FAHD2A: variants seen among roughly 807,000 people sequenced by gnomAD.
The protein encoded by FAHD2A is fumarylacetoacetate hydrolase domain containing 2A.
A neutral mutation model predicts 33.4 loss-of-function variants in FAHD2A; 27 were observed. The ratio of observed to expected loss-of-function variants is 0.81; its 90% confidence interval spans 0.60 to 1.11. The LOEUF is 1.11. FAHD2A is among the 50% of genes most tolerant of loss of function. FAHD2A has a pLI of 0.00. For missense variants in FAHD2A, 296 were observed against 395.0 expected (o/e 0.75, Z 2.12); for synonymous variants, 130 against 153.3 (o/e 0.85, Z 1.12).
At chr2:95,419,676 C>T (rs111593966), downstream of FAHD2A, among the ~76,000 whole-genome samples, 3 of 151,928 alleles carry the variant, frequency 2.0e-5, no homozygotes, top group Admixed American at 6.6e-5. Flanking sequence ...CAACTTCACA[C>T]CAAGCTGCAA....
chr2:95,406,684 A>G lies in FAHD2A; in HGVS notation c.246-257A>G, dbSNP rs1681613471. On this transcript the variant is annotated intron_variant, in intron 2 of 7. Coordinates refer to ENST00000233379, the MANE Select transcript of FAHD2A (RefSeq NM_016044.3). ...CGGAAGGGGAAAGGGAAACCTTTCC[A>G]TGTATTCCAGTTTGTATCTTTTACA... Among the ~76,000 whole-genome samples the G allele has an allele frequency of 3.3e-5, 5 of 152,340 alleles. No individual in the cohort carries two copies. In the South Asian group the frequency reaches 8.3e-4, roughly 25 times the overall value.
Position 95,402,769 on chromosome 2 carries a change from C to G in FAHD2A, c.-110C>G, listed in dbSNP as rs758015297. ...GTTAGCAGCTGCTGCATTTCCCCGG[C>G]TGGCTGCGGTCACTGGTGGCAGTGC... On this transcript the variant is annotated 5_prime_UTR_variant, in exon 1 of 8. Coordinates refer to ENST00000233379, the MANE Select transcript of FAHD2A (RefSeq NM_016044.3). The G allele has an allele frequency of 6.6e-6, 1 of 152,458 alleles. No homozygotes were observed. Among genetic ancestry groups the G allele is most frequent in the African/African-American group, 2.4e-5 (1 of 41,468 alleles). The allele number at this position is 152,458 out of a possible 1,614,324, so 9.4% of individuals were successfully genotyped here. A position where few individuals can be genotyped will look rare whatever the true frequency, so the allele number is the denominator to read the frequency against.
chr2:95,404,294 AT>A (rs113250091), intron 1 of FAHD2A, among the ~76,000 whole-genome samples: 416 of 145,184 alleles, frequency 2.9e-3, no homozygotes, highest in South Asian at 4.2e-3. Flanking sequence ...AGCCCTGAGG[AT>A]TTTTTTTTTT....
chr2:95,407,117 T>A lies in FAHD2A; in HGVS notation c.422T>A (p.Val141Glu). The A allele has an allele frequency of 6.2e-7, 1 of 1,612,124 alleles. No individual in the cohort carries two copies. The highest frequency in any genetic ancestry group is 8.5e-7 in the Non-Finnish European group (1 of 1,179,860). The change falls in exon 3 of 8, where the codon GTG (valine) becomes GAG (glutamate). Residue 141 changes from valine (V) to glutamate (E), a missense_variant. Transcript: ENST00000233379. ...TTCAGCAAGTTTGCCAGCTCCATCGTGGGGCCCTATGATGAGGTGGTCCTC... is the reference window on the plus strand; with the variant it reads ...TTCAGCAAGTTTGCCAGCTCCATCGAGGGGCCCTATGATGAGGTGGTCCTC... ...IIFSKFASSI[V>E]GPYDEVVLPP...
At chr2:95,411,791 C>A (rs1011924191) in intron 5 of FAHD2A, among the ~76,000 whole-genome samples, 1 of 152,136 alleles carries the variant, frequency 6.6e-6, no homozygotes, top group Non-Finnish European at 1.5e-5. Context: ...TTTATAGATG[C>A]TGAGTCTTTT....
chr2:95,404,819 T>G (rs1032157714), intron 1 of FAHD2A, among the ~76,000 whole-genome samples: 1 of 152,140 alleles, frequency 6.6e-6, no homozygotes, highest in African/African-American at 2.4e-5. Flanking sequence ...GACCCTGTTG[T>G]TTGTCTGCAG....
At position 95,405,556 on chromosome 2, in the gene FAHD2A, C is replaced by G. The variant is rs1558791844; in HGVS notation, c.-3C>G. ...GATCCTGCATTTTTCTCTGCAGGCT[C>G]TGATGCTGGTGTCTGGTAGAAGAAG... On this transcript the variant is annotated 5_prime_UTR_variant, in exon 2 of 8. Transcript: ENST00000233379. The G allele has an allele frequency of 3.1e-6, 5 of 1,610,040 alleles. No individual in the cohort carries two copies. The East Asian group carries it at 1.1e-4, about 36-fold the overall frequency.
chr2:95,408,782 A>AAT, intron 3 of FAHD2A, among the ~76,000 whole-genome samples: 1 of 152,332 alleles, frequency 6.6e-6, no homozygotes, highest in Non-Finnish European at 1.5e-5. Flanking sequence ...CCAATTAGTA[A>AAT]ATATTAGGCT....
At chr2:95,410,102 T>A (rs1477240611) in intron 3 of FAHD2A, among the ~76,000 whole-genome samples, 3 of 152,276 alleles carry the variant, frequency 2.0e-5, no homozygotes, top group African/African-American at 7.2e-5. Context: ...CGTTACCTTT[T>A]TGTGAATTGC....
intron 3 of FAHD2A, among the ~76,000 whole-genome samples, chr2:95,409,407 C>T (rs1382578157): frequency 1.3e-5 from 2 of 151,974 alleles, no homozygotes; most frequent in Non-Finnish European, 2.9e-5. Context: ...CTCCTGGGTT[C>T]AAGTGATTCT....
chr2:95,418,408 T>A (rs1683267938), downstream of FAHD2A, among the ~76,000 whole-genome samples: 1 of 151,880 alleles, frequency 6.6e-6, no homozygotes, highest in Non-Finnish European at 1.5e-5. Flanking sequence ...AGAGCACTGA[T>A]GCATGAAGGT....
Position 95,413,636 on chromosome 2 carries a change from G to A in FAHD2A, c.*679G>A. The stretch of plus-strand genomic sequence containing the variant: ...CTGTGTCCACATGGCCCAGGGGCCA[G>A]GCCTGTCCCCCAGAAACCTGCCTTG... On this transcript the variant is annotated 3_prime_UTR_variant, in exon 8 of 8. Coordinates refer to ENST00000233379, the MANE Select transcript of FAHD2A (RefSeq NM_016044.3). 2 of 1,434,032 alleles carry A rather than the reference G, an allele frequency of 1.4e-6. No homozygotes were observed. The highest frequency in any genetic ancestry group is 1.4e-5 in the African/African-American group (1 of 69,250). 88.8% of individuals were successfully genotyped at this position (1,434,032 alleles called of 1,614,324 possible).
At position 95,410,939 on chromosome 2, in the gene FAHD2A, C is replaced by G; in HGVS notation, c.598C>G (p.Arg200Gly). The part of the protein sequence containing the change: ...DVSARDWQMR[R>G]NGKQWLLGKT... ...GAGTGCTCGTGACTGGCAAATGAGA[C>G]GTAATGGGAAACAATGGCTGCTGGG... The change falls in exon 5 of 8, where the codon CGT becomes GGT. Residue 200 changes from arginine to glycine, a missense_variant. Physicochemically the swap from Arg to Gly is moderately radical, Grantham distance 125. Coordinates refer to ENST00000233379, the MANE Select transcript of FAHD2A (RefSeq NM_016044.3). 1 of 1,613,868 alleles carries G rather than the reference C, an allele frequency of 6.2e-7. No individual in the cohort carries two copies. The highest frequency in any genetic ancestry group is 1.3e-5 in the African/African-American group (1 of 75,036).
Position 95,415,310 on chromosome 2 carries a change from C to G in FAHD2A, c.*2353C>G, listed in dbSNP as rs981720856. The G allele has an allele frequency of 6.6e-6, 1 of 151,852 alleles. No homozygotes were observed. The highest frequency in any genetic ancestry group is 1.5e-5 in the Non-Finnish European group (1 of 68,054). 9.4% of individuals were successfully genotyped at this position (151,852 alleles called of 1,614,324 possible). A position where few individuals can be genotyped will look rare whatever the true frequency, so the allele number is the denominator to read the frequency against. ...CCACTGCCCCAGACCCACCTTGGCT[C>G]TCTCCTCACTAACACCCGAGAAGCC... On this transcript the variant is annotated 3_prime_UTR_variant, in exon 8 of 8. Transcript: ENST00000233379.
rs558817892 is a variant in FAHD2A at position 95,410,550 on chromosome 2, G to A, written c.486G>A (p.Leu162=). The part of the protein sequence containing the change: ...QSQEVDWEVE[L]AVVIGKKGKH... ...AGGAGGTAGATTGGGAAGTGGAGCT[G>A]GCCGTGGTCATTGGAAAGAAAGGCA... is the stretch of plus-strand genomic sequence containing the variant. Residue 162 remains leucine, a synonymous_variant, in exon 4 of 8, where the codon CTG becomes CTA. Transcript: ENST00000233379. 3 of 1,612,566 alleles carry A rather than the reference G, an allele frequency of 1.9e-6. No individual in the cohort carries two copies. Among genetic ancestry groups the A allele is most frequent in the Admixed American group, 3.3e-5 (2 of 59,886 alleles).
At position 95,413,075 on chromosome 2, in the gene FAHD2A, C is replaced by T. The variant is rs567996874; in HGVS notation, c.*118C>T. On this transcript the variant is annotated 3_prime_UTR_variant, in exon 8 of 8. Transcript: ENST00000233379. ...GCCAGCCCTGCAAGCCGCCTCTTCT[C>T]GGTAGAAGGGAGAAGGACAGAGCTC... is the stretch of plus-strand genomic sequence containing the variant. 23 of 1,325,834 alleles carry T rather than the reference C, an allele frequency of 1.7e-5. No homozygotes were observed. The highest frequency in any genetic ancestry group is 8.7e-5 in the African/African-American group (6 of 68,666). The allele number at this position is 1,325,834 out of a possible 1,614,324, so 82.1% of individuals were successfully genotyped here.
rs564763777 is a variant in FAHD2A at position 95,411,858 on chromosome 2, T to C, written c.686-576T>C. ...TGGAGTGCAGTGGCCCAATCCCAGC[T>C]CACTGAAGCCTCAACCTCCTGAGTT... On this transcript the variant is annotated intron_variant, in intron 5 of 7. Coordinates refer to ENST00000233379, the MANE Select transcript of FAHD2A (RefSeq NM_016044.3). Among the ~76,000 whole-genome samples the C allele has an allele frequency of 3.9e-5, 6 of 152,320 alleles. No individual in the cohort carries two copies. In the Middle Eastern group the frequency reaches 0.014, roughly 345 times the overall value.
chr2:95,405,329 G>A, intron 1 of FAHD2A: 1 of 518,478 alleles, frequency 1.9e-6, no homozygotes, highest in African/African-American at 1.9e-5. Context: ...AGGAACGCTG[G>A]AATCCCTGGG....
In FAHD2A at chr2:95,412,716, G is replaced by T. The variant is rs892123449; in HGVS notation, c.834G>T (p.Gly278=). Reference sequence around the variant, plus strand: ...ACCCAGGGGATGTCATCCTAACTGGGACCCCCCCAGGTGTCGGTGTATTCA... The same window carrying T: ...ACCCAGGGGATGTCATCCTAACTGGTACCCCCCCAGGTGTCGGTGTATTCA... ...TFYPGDVILT[G]TPPGVGVFRK... The change falls in exon 7 of 8, where the codon GGG becomes GGT. Residue 278 remains glycine, a synonymous_variant. Transcript: ENST00000233379. 6.2e-7 allele frequency: 1 copy of T among 1,614,130 alleles called. No individual in the cohort carries two copies. Among genetic ancestry groups the T allele is most frequent in the Non-Finnish European group, 8.5e-7 (1 of 1,180,018 alleles).
Sources: gnomAD v4.1 joint callset for allele counts (sites outside exome capture counted in the v4.1 genomes callset) on GRCh38, gnomAD v4.1.1 for gene constraint, MANE v1.5 for transcripts, NCBI Gene and HGNC (gene_info 2026-07-23, HGNC 2026-07-21) for gene names.